The following WWOX variants were observed in gnomAD, a reference collection of about 807,000 sequenced individuals.
The protein encoded by WWOX is WW domain-containing oxidoreductase.
In WWOX, 69 loss-of-function variants were observed where a neutral mutation model predicts 46.2. The ratio of observed to expected loss-of-function variants is 1.49; its 90% CI spans 1.23 to 1.82. The LOEUF (loss-of-function observed/expected upper bound fraction) is 1.82, where lower values mean the gene tolerates loss of function less well. Among genes scored for constraint, WWOX ranks in the 40% most tolerant of loss-of-function variants. The probability of loss-of-function intolerance (pLI) is 0.00; values close to 1 mark genes in which losing one functional copy is unlikely to be tolerated. For synonymous variants in WWOX, 359 were observed against 202.6 expected (o/e 1.77, Z -6.56); for missense variants, 919 against 542.6 (o/e 1.69, Z -6.89).
chr16:78,828,835 G>A (rs981840445), intron 8 of WWOX, among the ~76,000 whole-genome samples: 7 of 152,112 alleles, frequency 4.6e-5, no homozygotes, highest in African/African-American at 1.7e-4. Context: ...AGACTCTCAG[G>A]CCACTGTCTT....
At chr16:78,131,794 C>T (rs1016714408) in intron 4 of WWOX, among the ~76,000 whole-genome samples, 33 of 151,086 alleles carry the variant, frequency 2.2e-4, no homozygotes, top group African/African-American at 7.8e-4. Context: ...CCATGTTGGC[C>T]AGGACGGTGT....
At chr16:79,008,391 C>T (rs1233221489) in intron 8 of WWOX, among the ~76,000 whole-genome samples, 1 of 152,184 alleles carries the variant, frequency 6.6e-6, no homozygotes, top group Non-Finnish European at 1.5e-5. Context: ...CAACTGCGTT[C>T]AGGCCTCCAT....
At chr16:79,083,498 A>T (rs904079133) in intron 8 of WWOX, among the ~76,000 whole-genome samples, 4 of 152,198 alleles carry the variant, frequency 2.6e-5, no homozygotes, top group Non-Finnish European at 5.9e-5. Flanking sequence ...AGTAGAACCT[A>T]GCCTATCTCA....
intron 5 of WWOX, among the ~76,000 whole-genome samples, chr16:78,285,521 A>G (rs4887950): frequency 0.44 from 66,378 of 151,976 alleles, 15,262 homozygotes; most frequent in East Asian, 0.71. Flanking sequence ...ATGAAGCCCC[A>G]TAGGATGGCT....
At chr16:78,820,575 G>T (rs1427430068) in intron 8 of WWOX, among the ~76,000 whole-genome samples, 2 of 152,148 alleles carry the variant, frequency 1.3e-5, no homozygotes, top group Admixed American at 1.3e-4. Flanking sequence ...TAGGATTAGT[G>T]TGGCCCTTCC....
intron 8 of WWOX, among the ~76,000 whole-genome samples, chr16:78,789,322 C>T (rs1018650774): frequency 4.6e-5 from 7 of 152,166 alleles, no homozygotes; most frequent in African/African-American, 1.7e-4. Context: ...GTCAATTTTT[C>T]TATATAGTTT....
At chr16:78,103,558 C>T (rs1174973223) in intron 1 of WWOX, among the ~76,000 whole-genome samples, 1 of 152,088 alleles carries the variant, frequency 6.6e-6, no homozygotes, top group East Asian at 1.9e-4. Flanking sequence ...GCCTCTGATC[C>T]ATCCTAACCC....
At chr16:78,834,586 G>C (rs916319220) in intron 8 of WWOX, among the ~76,000 whole-genome samples, 4 of 152,158 alleles carry the variant, frequency 2.6e-5, no homozygotes, top group Non-Finnish European at 4.4e-5. Context: ...CCCCATTGCC[G>C]ATGATCAGAA....
In WWOX at chr16:79,187,314, C is replaced by T. The variant is rs149315687; in HGVS notation, c.1057-24294C>T. On this transcript the variant is annotated intron_variant, in intron 8 of 8. Coordinates refer to ENST00000566780, the MANE Select transcript of WWOX (RefSeq NM_016373.4). ...TTACTAGAAAGAATATCGTGGTGCC[C>T]CCAAACATGGATTTAACAAGCATTG... Among the ~76,000 whole-genome samples, 6 of 152,236 alleles carry T rather than the reference C, an allele frequency of 3.9e-5. No individual in the cohort carries two copies. In the East Asian group the frequency reaches 1.2e-3, roughly 29 times the overall value.
chr16:78,653,788 A>G (rs2047019980), intron 8 of WWOX, among the ~76,000 whole-genome samples: 1 of 152,216 alleles, frequency 6.6e-6, no homozygotes, highest in Non-Finnish European at 1.5e-5. Flanking sequence ...TGCAAAAGGA[A>G]TTGCAGTTTT....
intron 8 of WWOX, among the ~76,000 whole-genome samples, chr16:78,530,245 A>G (rs1470105535): frequency 6.6e-6 from 1 of 152,124 alleles, no homozygotes; most frequent in Non-Finnish European, 1.5e-5. Flanking sequence ...CCATCCACGG[A>G]CGGCTTAAGT....
chr16:78,978,221 G>A (rs966342615), intron 8 of WWOX, among the ~76,000 whole-genome samples: 3 of 152,188 alleles, frequency 2.0e-5, no homozygotes, highest in African/African-American at 7.2e-5. Context: ...TGATACCACA[G>A]TTGGTTGACC....
intron 8 of WWOX, among the ~76,000 whole-genome samples, chr16:78,702,236 C>T (rs1212225383): frequency 6.7e-6 from 1 of 149,768 alleles, no homozygotes; most frequent in Non-Finnish European, 1.5e-5. Flanking sequence ...GCAGTGATGA[C>T]TCCACTATAC....
chr16:78,752,708 C>T (rs1048439557), intron 8 of WWOX, among the ~76,000 whole-genome samples: 1 of 152,204 alleles, frequency 6.6e-6, no homozygotes, highest in African/African-American at 2.4e-5. Context: ...TTATGGAGCC[C>T]TGCTTTGTGC....
At chr16:78,224,465 T>C (rs959241801) in intron 5 of WWOX, among the ~76,000 whole-genome samples, 2 of 151,956 alleles carry the variant, frequency 1.3e-5, no homozygotes, top group African/African-American at 4.8e-5. Context: ...CCTTTTTTCA[T>C]GTAATAGTAT....
chr16:78,223,604 G>T (rs1194807459), intron 5 of WWOX, among the ~76,000 whole-genome samples: 2 of 152,152 alleles, frequency 1.3e-5, no homozygotes, highest in Non-Finnish European at 2.9e-5. Context: ...AAAGTGCTCA[G>T]CGTCCCTGGG....
intron 8 of WWOX, among the ~76,000 whole-genome samples, chr16:78,618,718 A>G (rs1440234259): frequency 6.6e-6 from 1 of 151,994 alleles, no homozygotes; most frequent in African/African-American, 2.4e-5. Flanking sequence ...CTTCCTTGTA[A>G]TATGTATAAT....
At chr16:78,561,800 G>C (rs1171954539) in intron 8 of WWOX, among the ~76,000 whole-genome samples, 1 of 152,188 alleles carries the variant, frequency 6.6e-6, no homozygotes, top group African/African-American at 2.4e-5. Context: ...CTGCAGAGAA[G>C]AACGCAGGGT....
chr16:78,184,220 T>G (rs2035623079), intron 5 of WWOX, among the ~76,000 whole-genome samples: 1 of 151,246 alleles, frequency 6.6e-6, no homozygotes, highest in Non-Finnish European at 1.5e-5. Flanking sequence ...AAATGTTCAG[T>G]GGCACTTCAG....
Sources: gnomAD v4.1 joint callset for allele counts (sites outside exome capture counted in the v4.1 genomes callset) on GRCh38, gnomAD v4.1.1 for gene constraint, MANE v1.5 for transcripts, NCBI Gene and HGNC (gene_info 2026-07-23, HGNC 2026-07-21) for gene names.